Variants in WWOX observed in about 807,000 individuals in gnomAD.
WWOX encodes WW domain-containing oxidoreductase.
Under a neutral mutation model 46.2 loss-of-function variants are expected in WWOX, and 69 were observed. The ratio of observed to expected loss-of-function variants is 1.49; its 90% CI spans 1.23 to 1.82. The LOEUF is 1.82. Ranked by LOEUF, WWOX falls within the 40% of genes most tolerant of loss-of-function variation. WWOX has a pLI of 0.00. For missense variants in WWOX, 919 were observed against 542.6 expected, an observed-to-expected ratio of 1.69 and a Z score of -6.89; for synonymous variants, 359 against 202.6, an observed-to-expected ratio of 1.77 and a Z score of -6.56.
rs941133010 is a variant in WWOX, at chr16:78,972,827, A to G, written c.1057-238781A>G. 2.0e-5 allele frequency among the ~76,000 whole-genome samples: 3 copies of G among 152,174 alleles called. No homozygotes were observed. The East Asian group carries it at 5.8e-4, about 29-fold the overall frequency. ...TAATTTTAATTAATGGCAAACTTAG[A>G]ACAGACCCATTTAATAAATCTGTCC... On this transcript the variant is annotated intron_variant, in intron 8 of 8. Coordinates refer to ENST00000566780, the MANE Select transcript of WWOX (RefSeq NM_016373.4).
chr16:78,554,218 GCATGTGGA>G (rs926494380), intron 8 of WWOX, among the ~76,000 whole-genome samples: 12 of 152,148 alleles, frequency 7.9e-5, no homozygotes, highest in Non-Finnish European at 1.6e-4. Context: ...GTGGCCAGAT[GCATGTGGA>G]CATGATGGAA....
chr16:78,597,394 C>G (rs1265134106), intron 8 of WWOX, among the ~76,000 whole-genome samples: 1 of 152,148 alleles, frequency 6.6e-6, no homozygotes, highest in African/African-American at 2.4e-5. Flanking sequence ...TTACCCATTG[C>G]CATCATTTTG....
chr16:78,364,986 G>A (rs1375268172), intron 5 of WWOX, among the ~76,000 whole-genome samples: 2 of 152,142 alleles, frequency 1.3e-5, no homozygotes, highest in African/African-American at 4.8e-5. Flanking sequence ...CACAGCTGAA[G>A]TCATAGTATT....
At chr16:78,530,099 C>T (rs1214818427) in intron 8 of WWOX, among the ~76,000 whole-genome samples, 3 of 152,172 alleles carry the variant, frequency 2.0e-5, no homozygotes, top group African/African-American at 7.2e-5. Context: ...TGAGCAGGTG[C>T]AGGAGCCAGG....
chr16:78,884,189 C>G (rs1257933921), intron 8 of WWOX, among the ~76,000 whole-genome samples: 1 of 149,894 alleles, frequency 6.7e-6, no homozygotes, highest in Non-Finnish European at 1.5e-5. Context: ...GGAGGATCAC[C>G]TGAGCCCAGG....
chr16:78,871,231 G>C (rs2044121839), intron 8 of WWOX, among the ~76,000 whole-genome samples: 1 of 150,426 alleles, frequency 6.6e-6, no homozygotes, highest in Non-Finnish European at 1.5e-5. Flanking sequence ...GCTGTCCTAA[G>C]ACAGAAAGAG....
At chr16:78,428,497 T>C (rs1294802703) in intron 7 of WWOX, among the ~76,000 whole-genome samples, 1 of 152,112 alleles carries the variant, frequency 6.6e-6, no homozygotes, top group Non-Finnish European at 1.5e-5. Flanking sequence ...GCAGAGAGAG[T>C]GCCTGATACG....
At chr16:78,261,839 C>T (rs996143092) in intron 5 of WWOX, among the ~76,000 whole-genome samples, 3 of 145,882 alleles carry the variant, frequency 2.1e-5, no homozygotes, top group Admixed American at 6.9e-5. Flanking sequence ...GGTGGGTTCT[C>T]GAATCACAGT....
chr16:78,133,693 G>A (rs984988771), intron 4 of WWOX, among the ~76,000 whole-genome samples: 1 of 152,184 alleles, frequency 6.6e-6, no homozygotes, highest in Non-Finnish European at 1.5e-5. Context: ...ACCATGCCTG[G>A]CCTGAAATAA....
chr16:78,803,378 T>C (rs1420059038), intron 8 of WWOX, among the ~76,000 whole-genome samples: 2 of 152,174 alleles, frequency 1.3e-5, no homozygotes, highest in East Asian at 3.9e-4. Flanking sequence ...TTTCTCCAGC[T>C]CATGCAGAAT....
At chr16:78,620,650 G>T (rs114477706) in intron 8 of WWOX, among the ~76,000 whole-genome samples, 34 of 152,180 alleles carry the variant, frequency 2.2e-4, no homozygotes, top group Non-Finnish European at 3.7e-4. Flanking sequence ...CCTGCTTCTT[G>T]ATGCACTTGT....
chr16:78,299,019 T>C (rs1597455349), intron 5 of WWOX, among the ~76,000 whole-genome samples: 1 of 152,202 alleles, frequency 6.6e-6, no homozygotes, highest in African/African-American at 2.4e-5. Flanking sequence ...ATGAGCTGGG[T>C]TGCAGCCAGC....
At chr16:78,368,008 C>T (rs1277620917) in intron 5 of WWOX, among the ~76,000 whole-genome samples, 1 of 152,186 alleles carries the variant, frequency 6.6e-6, no homozygotes, top group East Asian at 1.9e-4. Context: ...CTGCCTGCCT[C>T]AGCCTCCCAA....
intron 8 of WWOX, among the ~76,000 whole-genome samples, chr16:78,614,536 C>A (rs1463824259): frequency 1.3e-5 from 2 of 152,172 alleles, no homozygotes; most frequent in East Asian, 1.9e-4. Context: ...CTGAAGCTGA[C>A]CTTGGGGAGC....
intron 5 of WWOX, among the ~76,000 whole-genome samples, chr16:78,323,919 A>G (rs769652313): frequency 1.8e-4 from 28 of 152,174 alleles, no homozygotes; most frequent in Admixed American, 1.2e-3. Flanking sequence ...AATAATAAGC[A>G]TAGATGCCCC....
At chr16:78,816,164 A>G (rs1238681027) in intron 8 of WWOX, among the ~76,000 whole-genome samples, 2 of 152,172 alleles carry the variant, frequency 1.3e-5, no homozygotes, top group Non-Finnish European at 2.9e-5. Flanking sequence ...CTAAATCCCT[A>G]ACTGGACCCC....
intron 5 of WWOX, among the ~76,000 whole-genome samples, chr16:78,203,294 G>T (rs1191333751): frequency 6.6e-6 from 1 of 152,128 alleles, no homozygotes; most frequent in African/African-American, 2.4e-5. Context: ...GTAGATGACT[G>T]GGGAAGATGA....
intron 8 of WWOX, among the ~76,000 whole-genome samples, chr16:78,754,103 G>A (rs1429341343): frequency 1.3e-5 from 2 of 151,862 alleles, no homozygotes; most frequent in Non-Finnish European, 2.9e-5. Context: ...ATTAGATTGT[G>A]ATTATAAATG....
intron 5 of WWOX, among the ~76,000 whole-genome samples, chr16:78,207,548 C>A (rs1414568446): frequency 6.9e-6 from 1 of 145,528 alleles, no homozygotes; most frequent in Admixed American, 6.8e-5. Flanking sequence ...AAAGTAGCTT[C>A]TCATTTTAAT....
Sources: gnomAD v4.1 joint callset for allele counts (sites outside exome capture counted in the v4.1 genomes callset) on GRCh38, gnomAD v4.1.1 for gene constraint, MANE v1.5 for transcripts, NCBI Gene and HGNC (gene_info 2026-07-23, HGNC 2026-07-21) for gene names.